Variants in ZNF512 observed in about 807,000 individuals in gnomAD.
ZNF512 encodes zinc finger protein 512.
In ZNF512, 25 loss-of-function variants were observed where a neutral mutation model predicts 77.5. That is an observed-to-expected ratio of 0.32 (90% confidence interval 0.23 to 0.45). ZNF512 has a LOEUF of 0.45. Ranked by LOEUF, ZNF512 falls within the 20% of genes least tolerant of loss-of-function variation. The pLI is 1.00. For synonymous variants in ZNF512, 246 were observed against 239.9 expected (o/e 1.03, Z -0.24); for missense variants, 483 against 692.6 (o/e 0.70, Z 3.40).
chr2:27,597,674 A>G (rs941367345), intron 2 of ZNF512, among the ~76,000 whole-genome samples: 3 of 152,130 alleles, frequency 2.0e-5, no homozygotes, highest in African/African-American at 7.2e-5. Flanking sequence ...CCTTAGAGAT[A>G]CCCTTTAGTT....
chr2:27,604,284 A>G (rs1672261667), intron 9 of ZNF512, among the ~76,000 whole-genome samples: 1 of 151,990 alleles, frequency 6.6e-6, no homozygotes, highest in Admixed American at 6.5e-5. Context: ...TTTTATGGGC[A>G]TCTGTCCAGC....
At chr2:27,606,015 A>G (rs376899969) in intron 9 of ZNF512, among the ~76,000 whole-genome samples, 3 of 152,202 alleles carry the variant, frequency 2.0e-5, no homozygotes, top group Admixed American at 6.5e-5. Context: ...ATAGGTACGT[A>G]GTAGTACTTA....
intron 13 of ZNF512, among the ~76,000 whole-genome samples, chr2:27,619,394 C>A (rs1327265079): frequency 1.3e-5 from 2 of 151,326 alleles, no homozygotes; most frequent in East Asian, 1.9e-4. Flanking sequence ...CAGAGCAAGA[C>A]TCTGTTAAAA....
At chr2:27,611,587 A>G (rs551793856) in intron 10 of ZNF512, among the ~76,000 whole-genome samples, 29 of 152,170 alleles carry the variant, frequency 1.9e-4, no homozygotes, top group African/African-American at 6.7e-4. Context: ...TAATCTTCCC[A>G]TTTGTAATTA....
chr2:27,594,623 C>T (rs1671768882), intron 2 of ZNF512, among the ~76,000 whole-genome samples: 1 of 151,320 alleles, frequency 6.6e-6, no homozygotes, highest in Non-Finnish European at 1.5e-5. Context: ...GGCGGCCGGG[C>T]AGAGGCGCTC....
chr2:27,621,376 G>T lies in ZNF512; in HGVS notation c.1619G>T (p.Cys540Phe), dbSNP rs1158165605. The T allele has an allele frequency of 6.2e-7, 1 of 1,613,986 alleles. No homozygotes were observed. Among genetic ancestry groups the T allele is most frequent in the African/African-American group, 1.3e-5 (1 of 74,910 alleles). ...NNEELVVSAS[C>F]KEPEQEPVPA... ...GAGGAACTGGTAGTGTCAGCCTCCT[G>T]TAAGGAACCAGAGCAGGAGCCAGTG... Residue 540 changes from cysteine (C) to phenylalanine (F), a missense_variant, in exon 14 of 14, where the codon TGT becomes TTT. Physicochemically the swap from Cys to Phe is radical, Grantham distance 205 (BLOSUM62 -2). Transcript: ENST00000355467.
intron 9 of ZNF512, among the ~76,000 whole-genome samples, chr2:27,603,951 G>C (rs1672246721): frequency 6.6e-6 from 1 of 151,602 alleles, no homozygotes; most frequent in Non-Finnish European, 1.5e-5. Context: ...TTTTGAGACA[G>C]ACTTTCCCTC....
intron 5 of ZNF512, 105 bp from the exon 6 acceptor site, chr2:27,600,586 A>AT (rs1231006510): frequency 2.1e-6 from 3 of 1,401,446 alleles, no homozygotes; most frequent in Non-Finnish European, 2.9e-6. Flanking sequence ...GTCTACCAGG[A>AT]AAAGGAAAAA....
In ZNF512 at chr2:27,607,903, C is replaced by CA; in HGVS notation, c.998dup (p.Ser334GlufsTer24). The stretch of plus-strand genomic sequence containing the variant: ...TGCTTAAAGGAGATGAACCTAGAGT[C>CA]AAAGAGTGGGGGCCGAGTTCAGAGA... On this transcript the variant is annotated frameshift_variant, in exon 10 of 14. Coordinates refer to ENST00000355467, the MANE Select transcript of ZNF512 (RefSeq NM_032434.4). LOFTEE classifies it high-confidence loss of function. The CA allele has an allele frequency of 6.2e-7, 1 of 1,614,072 alleles. No individual in the cohort carries two copies. The highest frequency in any genetic ancestry group is 2.2e-5 in the East Asian group (1 of 44,876).
chr2:27,601,751 C>T (rs1202581094), intron 7 of ZNF512, among the ~76,000 whole-genome samples: 16 of 152,188 alleles, frequency 1.1e-4, no homozygotes, highest in African/African-American at 2.4e-4. Context: ...TGGGTTCAAG[C>T]GATTGTCCTG....
chr2:27,599,479 A>G (rs528537370), intron 3 of ZNF512, 104 bp from the exon 4 acceptor site: 5 of 838,876 alleles, frequency 6.0e-6, no homozygotes, highest in South Asian at 3.2e-5. Flanking sequence ...TTCACTGATG[A>G]TCTTTCCTTT....
intron 13 of ZNF512, 40 bp downstream of exon 13, chr2:27,617,611 A>T (rs1228843757): frequency 2.5e-6 from 2 of 804,940 alleles, no homozygotes; most frequent in East Asian, 4.8e-5. Flanking sequence ...TATGTAAGCC[A>T]CAAGAGAGGT....
intron 9 of ZNF512, among the ~76,000 whole-genome samples, chr2:27,605,891 T>C (rs1343853543): frequency 6.6e-6 from 1 of 152,244 alleles, no homozygotes; most frequent in Non-Finnish European, 1.5e-5. Flanking sequence ...TGCTGCATTG[T>C]TTCCTAAAGT....
chr2:27,594,825 C>T (rs938339838), intron 2 of ZNF512, among the ~76,000 whole-genome samples: 2 of 152,214 alleles, frequency 1.3e-5, no homozygotes, highest in African/African-American at 2.4e-5. Flanking sequence ...CGCCACTGCA[C>T]TCCAGCCTGG....
chr2:27,615,124 G>A (rs1207323179), intron 10 of ZNF512, 44 bp from the exon 11 acceptor site: 3 of 1,230,230 alleles, frequency 2.4e-6, no homozygotes, highest in Non-Finnish European at 2.3e-6. Context: ...TATTTTGGTT[G>A]GGAGTTGTAT....
intron 2 of ZNF512, among the ~76,000 whole-genome samples, chr2:27,589,331 T>C (rs1671471198): frequency 6.6e-6 from 1 of 152,176 alleles, no homozygotes; most frequent in Non-Finnish European, 1.5e-5. Context: ...TGTGTCAGTT[T>C]TGGTAAGTAG....
intron 1 of ZNF512, 37 bp from the exon 2 acceptor site, chr2:27,583,621 G>GT (rs746032055): frequency 6.2e-7 from 1 of 1,611,686 alleles, no homozygotes; most frequent in Non-Finnish European, 8.5e-7. Flanking sequence ...AGGTTCAGAG[G>GT]TCCCTAGCAC....
At chr2:27,600,270 CCTGT>C (rs1235034578) in intron 5 of ZNF512, among the ~76,000 whole-genome samples, 1 of 152,092 alleles carries the variant, frequency 6.6e-6, no homozygotes, top group Non-Finnish European at 1.5e-5. Flanking sequence ...CCTCAGTTTC[CCTGT>C]CTATGAATAG....
chr2:27,615,498 C>A (rs563377585), intron 11 of ZNF512, among the ~76,000 whole-genome samples: 8 of 152,238 alleles, frequency 5.3e-5, no homozygotes, highest in Non-Finnish European at 1.0e-4. Flanking sequence ...CAACTGGAAA[C>A]TCAGACTGGA....
Sources: allele counts gnomAD v4.1 joint callset (sites outside exome capture counted in the v4.1 genomes callset), GRCh38; gene constraint gnomAD v4.1.1; transcripts MANE v1.5; gene names NCBI Gene and HGNC (gene_info 2026-07-23, HGNC 2026-07-21).